SFI1: variants seen among roughly 807,000 people sequenced by gnomAD.
The protein encoded by SFI1 is SFI1 centrin binding protein.
Under a neutral mutation model 207.5 loss-of-function variants are expected in SFI1, and 195 were observed. The observed-to-expected ratio is 0.94, with a 90% CI of 0.84 to 1.06. The LOEUF (loss-of-function observed/expected upper bound fraction) is 1.06, where lower values mean the gene tolerates loss of function less well. Ranked by LOEUF, SFI1 falls within the 50% of genes least tolerant of loss-of-function variation. The probability of loss-of-function intolerance (pLI) is 0.00; values close to 1 mark genes in which losing one functional copy is unlikely to be tolerated. For missense variants in SFI1, 1,634 were observed against 1,588.0 expected (o/e 1.03, Z -0.49); for synonymous variants, 630 against 598.9 (o/e 1.05, Z -0.76).
intron 20 of SFI1, 156 bp from the exon 21 acceptor site, chr22:31,606,172 G>A: frequency 1.5e-6 from 1 of 670,170 alleles, no homozygotes; most frequent in Non-Finnish European, 2.6e-6. Flanking sequence ...GTTGGACATA[G>A]ATGTGCAAGT....
chr22:31,616,520 T>C (rs2071492526), intron 29 of SFI1: 1 of 453,178 alleles, frequency 2.2e-6, no homozygotes. Flanking sequence ...CACGGGGTGC[T>C]CCCTGGTTGC....
rs752422385 is a variant in SFI1 at position 31,522,064 on chromosome 22, C to CTTTT, written c.93-6608_93-6605dup. Among the ~76,000 whole-genome samples, 83 of 76,366 alleles carry CTTTT rather than the reference C, an allele frequency of 1.1e-3. 4 individuals are homozygous for CTTTT. The highest frequency in any genetic ancestry group is 1.5e-3 in the Non-Finnish European group (63 of 42,112). 50.1% of individuals were successfully genotyped at this position (76,366 alleles called of 152,430 possible). The stretch of plus-strand genomic sequence containing the variant: ...ACAAGTGTGAGCCACTACACCTGGC[C>CTTTT]TTTTTTTTTTTTTTTTTTTTTGAGA... On this transcript the variant is annotated intron_variant, in intron 2 of 32. Transcript: ENST00000400288.
rs548650513 is a variant in SFI1 at position 31,578,150 on chromosome 22, C to A, written c.1085-232C>A. 1.2e-5 allele frequency: 4 copies of A among 346,784 alleles called. No individual in the cohort carries two copies. The Admixed American group carries it at 1.8e-4, about 16-fold the overall frequency. 21.5% of individuals were successfully genotyped at this position (346,784 alleles called of 1,614,324 possible). ...ATCTCAGGTATTTTTTGCGTCTCATCTCATGGGCATTCAAGGGGAGGAATG... is the reference window on the plus strand; with the variant it reads ...ATCTCAGGTATTTTTTGCGTCTCATATCATGGGCATTCAAGGGGAGGAATG... On this transcript the variant is annotated intron_variant, in intron 10 of 32. Coordinates refer to ENST00000400288, the MANE Select transcript of SFI1 (RefSeq NM_001007467.3).
rs201808909 is a variant in SFI1, at chr22:31,603,736, C to A, written c.1806-8C>A. ...GCTGCAGCACTGAGCTCTGCCATCT[C>A]CCCACAGGAGGACGGGCAGGGTGCG... On this transcript the variant is annotated splice_region_variant and splice_polypyrimidine_tract_variant and intron_variant, in intron 17 of 32. Transcript: ENST00000400288. 1,699 of 1,532,172 alleles carry A rather than the reference C, an allele frequency of 1.1e-3. 10 individuals carry two copies. The highest frequency in any genetic ancestry group is 6.9e-3 in the Middle Eastern group (40 of 5,780). 94.9% of individuals were successfully genotyped at this position (1,532,172 alleles called of 1,614,324 possible).
At chr22:31,547,689 GACTCACT>G (rs1456111974) in intron 5 of SFI1, among the ~76,000 whole-genome samples, 1 of 150,230 alleles carries the variant, frequency 6.7e-6, no homozygotes, top group Non-Finnish European at 1.5e-5. Flanking sequence ...GCGCCATCTT[GACTCACT>G]GCAACCTCCG....
At chr22:31,512,109 A>G (rs2055665131) in intron 2 of SFI1, among the ~76,000 whole-genome samples, 1 of 151,998 alleles carries the variant, frequency 6.6e-6, no homozygotes, top group Non-Finnish European at 1.5e-5. Flanking sequence ...TAATCCCCAC[A>G]CTTTGGGAGG....
chr22:31,589,309 A>G (rs947170862), intron 14 of SFI1, 138 bp from the exon 15 acceptor site: 1 of 946,332 alleles, frequency 1.1e-6, no homozygotes, highest in African/African-American at 1.7e-5. Context: ...GCATATTGGC[A>G]AAGATAATAA....
chr22:31,541,309 T>C (rs1258242105), intron 4 of SFI1, among the ~76,000 whole-genome samples: 1 of 152,164 alleles, frequency 6.6e-6, no homozygotes, highest in Non-Finnish European at 1.5e-5. Flanking sequence ...TTGACGGCTC[T>C]TGTCTGTCAC....
In SFI1 at chr22:31,617,011, C is replaced by T. The variant is rs766644698; in HGVS notation, c.3445C>T (p.Leu1149Phe). ...TTCTGTCGCCATAGGCAGCCTGGACCTTGAGGCTGAACTTGAGGAGATCCA... is the reference window on the plus strand; with the variant it reads ...TTCTGTCGCCATAGGCAGCCTGGACTTTGAGGCTGAACTTGAGGAGATCCA... The part of the protein sequence containing the change: ...PGLSTAGSLD[L>F]EAELEEIQQQ... Residue 1149 changes from leucine (L) to phenylalanine (F), a missense_variant, in exon 31 of 33, where the codon CTT (leucine) becomes TTT (phenylalanine). Leu to Phe is a conservative substitution (Grantham distance 22). Transcript: ENST00000400288. 3 of 1,614,070 alleles carry T rather than the reference C, an allele frequency of 1.9e-6. No homozygotes were observed. Among genetic ancestry groups the T allele is most frequent in the Non-Finnish European group, 2.5e-6 (3 of 1,180,018 alleles).
intron 12 of SFI1, among the ~76,000 whole-genome samples, chr22:31,581,941 T>C (rs1279945579): frequency 1.3e-5 from 2 of 151,848 alleles, no homozygotes; most frequent in East Asian, 1.9e-4. Context: ...CATTTTCTTA[T>C]GTAACGACAA....
intron 17 of SFI1, 137 bp from the exon 18 acceptor site, chr22:31,603,606 CT>C: frequency 1.6e-6 from 1 of 613,566 alleles, no homozygotes; most frequent in Non-Finnish European, 2.5e-6. Context: ...ACTGCAAGTT[CT>C]TTGGCAGCTC....
At chr22:31,511,399 T>C (rs1474650639) in intron 2 of SFI1, among the ~76,000 whole-genome samples, 1 of 151,678 alleles carries the variant, frequency 6.6e-6, no homozygotes, top group African/African-American at 2.4e-5. Context: ...TATTTCATCT[T>C]CTCAAGCAAA....
intron 17 of SFI1, 132 bp from the exon 18 acceptor site, chr22:31,603,612 C>A: frequency 3.1e-6 from 2 of 639,776 alleles, no homozygotes; most frequent in South Asian, 4.3e-5. Context: ...AGTTCTTTGG[C>A]AGCTCTTCAG....
At chr22:31,578,184 G>A (rs2063723344) in intron 10 of SFI1, 198 bp from the exon 11 acceptor site, 7 of 387,882 alleles carry the variant, frequency 1.8e-5, no homozygotes. Flanking sequence ...TGCAAGACCA[G>A]ATGTTTGATC....
At chr22:31,614,200 C>T (rs1218671349) in intron 27 of SFI1, 3 of 362,028 alleles carry the variant, frequency 8.3e-6, no homozygotes, top group Non-Finnish European at 5.1e-6. Context: ...TCAGCTCCTA[C>T]CCGTGCCTGC....
intron 6 of SFI1, among the ~76,000 whole-genome samples, chr22:31,554,440 C>G (rs1359708290): frequency 6.6e-6 from 1 of 152,092 alleles, no homozygotes; most frequent in Non-Finnish European, 1.5e-5. Context: ...TCCCAATTAG[C>G]TGGGACTACA....
intron 4 of SFI1, 124 bp from the exon 5 acceptor site, chr22:31,546,737 G>T: frequency 4.1e-6 from 2 of 484,044 alleles, no homozygotes; most frequent in Non-Finnish European, 7.1e-6. Flanking sequence ...AAAGTGCTGG[G>T]ATTACAGGTG....
intron 2 of SFI1, among the ~76,000 whole-genome samples, chr22:31,517,776 T>C (rs1249614418): frequency 6.6e-6 from 1 of 152,208 alleles, no homozygotes; most frequent in Non-Finnish European, 1.5e-5. Flanking sequence ...CTCTTGGCTA[T>C]GTACCTTGTT....
At chr22:31,505,233 G>C (rs1230663873) in intron 1 of SFI1, among the ~76,000 whole-genome samples, 1 of 152,200 alleles carries the variant, frequency 6.6e-6, no homozygotes, top group African/African-American at 2.4e-5. Flanking sequence ...AAGGTCAGGA[G>C]TTTAAGACCA....
Sources: gnomAD v4.1 joint callset for allele counts (sites outside exome capture counted in the v4.1 genomes callset) on GRCh38, gnomAD v4.1.1 for gene constraint, MANE v1.5 for transcripts, NCBI Gene and HGNC (gene_info 2026-07-23, HGNC 2026-07-21) for gene names.